ARVCF: variants seen among roughly 807,000 people sequenced by gnomAD.
ARVCF encodes splicing regulator ARVCF.
In ARVCF, 66 loss-of-function variants were observed where a neutral mutation model predicts 90.9. The ratio of observed to expected loss-of-function variants is 0.73; its 90% CI spans 0.60 to 0.89. The LOEUF is 0.89. Ranked by LOEUF, ARVCF falls within the 40% of genes least tolerant of loss-of-function variation. The probability of loss-of-function intolerance (pLI) is 0.00; values close to 1 mark genes in which losing one functional copy is unlikely to be tolerated. For synonymous variants in ARVCF, 653 were observed against 603.4 expected (o/e 1.08, Z -1.21); for missense variants, 1,469 against 1,382.3 (o/e 1.06, Z -1.00).
chr22:20,011,471 C>G (rs561231443), intron 1 of ARVCF, among the ~76,000 whole-genome samples: 143 of 152,218 alleles, frequency 9.4e-4, no homozygotes, highest in African/African-American at 3.3e-3. Context: ...CATTCTGGTG[C>G]CCCAACGGTG....
Position 19,980,024 on chromosome 22 carries a change from T to G in ARVCF, c.1115A>C (p.Asp372Ala). 6.3e-7 allele frequency: 1 copy of G among 1,591,328 alleles called. No individual in the cohort carries two copies. The highest frequency in any genetic ancestry group is 8.6e-7 in the Non-Finnish European group (1 of 1,168,824). ...GGCGGCCGCATTGGCCTTCACGGGG[T>G]CCACGGGGTGCCGCAGCATGGCCAG... ...EVLAMLRHPV[D>A]PVKANAAAYL... Residue 372 changes from aspartate to alanine, a missense_variant, in exon 6 of 20, where the codon GAC becomes GCC. Asp to Ala is a moderately radical substitution (Grantham distance 126). Coordinates refer to ENST00000263207, the MANE Select transcript of ARVCF (RefSeq NM_001670.3).
At chr22:19,977,933 T>C in intron 8 of ARVCF, 25 bp downstream of exon 8, 2 of 1,579,986 alleles carry the variant, frequency 1.3e-6, no homozygotes, top group Non-Finnish European at 8.6e-7. Context: ...GCCCTTGGTA[T>C]GAGGCTGTGA....
At position 19,987,176 on chromosome 22, in the gene ARVCF, G is replaced by A. The variant is rs376528962; in HGVS notation, c.210+3409C>T. ...CTCGGCTCCGGCGCCTCGGCCGCTC[G>A]GGCTCAGGCTCGGCGGACTCGCTCC... is the stretch of plus-strand genomic sequence containing the variant. On this transcript the variant is annotated intron_variant, in intron 3 of 19. Transcript: ENST00000263207. 206 of 434,456 alleles carry A rather than the reference G, an allele frequency of 4.7e-4. 3 individuals carry two copies. The South Asian group carries it at 9.1e-3, about 19-fold the overall frequency. The allele number at this position is 434,456 out of a possible 1,614,324, so 26.9% of individuals were successfully genotyped here. A position where few individuals can be genotyped will look rare whatever the true frequency, so the allele number is the denominator to read the frequency against.
At chr22:19,967,313 G>A (rs533573617), downstream of ARVCF, 341 of 902,852 alleles carry the variant, frequency 3.8e-4, 1 homozygote, top group Admixed American at 6.7e-4. Flanking sequence ...GAAGGCAGCC[G>A]CCCTGCTCAA....
chr22:19,973,317 CCT>C lies in ARVCF; in HGVS notation c.2240-2_2240-1del. 1 of 1,593,960 alleles carries C rather than the reference CCT, an allele frequency of 6.3e-7. No homozygotes were observed. Among genetic ancestry groups the C allele is most frequent in the Non-Finnish European group, 8.5e-7 (1 of 1,175,084 alleles). On this transcript the variant is annotated splice_acceptor_variant, in intron 13 of 19. Coordinates refer to ENST00000263207, the MANE Select transcript of ARVCF (RefSeq NM_001670.3). LOFTEE classifies it high-confidence loss of function. The stretch of plus-strand genomic sequence containing the variant: ...CACAAGCTCAGCCATGGCGTAGCTC[CCT>C]GAGGGGCAGGACTAGGTGTCAGAAC...
chr22:19,996,427 G>A (rs1944254719), intron 2 of ARVCF, among the ~76,000 whole-genome samples: 1 of 152,166 alleles, frequency 6.6e-6, no homozygotes, highest in Non-Finnish European at 1.5e-5. Context: ...GGCGTTACTC[G>A]CAGACCATGA....
chr22:19,985,901 C>T (rs1943741899), intron 3 of ARVCF, among the ~76,000 whole-genome samples: 1 of 152,238 alleles, frequency 6.6e-6, no homozygotes, highest in Non-Finnish European at 1.5e-5. Context: ...TGAATCTTCT[C>T]CATCCCCATT....
At chr22:19,998,434 G>A (rs1944332346) in intron 2 of ARVCF, among the ~76,000 whole-genome samples, 1 of 152,112 alleles carries the variant, frequency 6.6e-6, no homozygotes, top group East Asian at 1.9e-4. Flanking sequence ...CGCCGGCCCA[G>A]CCCCCCTCCC....
In ARVCF at chr22:19,973,813, G is replaced by C; in HGVS notation, c.2089-20C>G. 1.3e-6 allele frequency: 2 copies of C among 1,594,738 alleles called. No individual in the cohort carries two copies. The highest frequency in any genetic ancestry group is 8.5e-7 in the Non-Finnish European group (1 of 1,173,434). On this transcript the variant is annotated intron_variant, in intron 12 of 19. Transcript: ENST00000263207. ...GGCCCACTGCGGAGGCGGGGAGAGG[G>C]TTGCTCAGACATACATGCCAGGCAC...
chr22:19,985,692 A>G (rs1165190596), intron 3 of ARVCF, among the ~76,000 whole-genome samples: 1 of 150,012 alleles, frequency 6.7e-6, no homozygotes, highest in East Asian at 1.9e-4. Flanking sequence ...TTACTTATCT[A>G]CCCAAACCAC....
Position 19,972,989 on chromosome 22 carries a change from A to G in ARVCF, c.2486T>C (p.Val829Ala), listed in dbSNP as rs115344498. ...ACCACGCAGCTCCTTGTAGCTCCAC[A>G]CTGTCTGCAGCACGTGTGACGCCGC... Reference protein sequence around the residue: ...AKAASHVLQTVWSYKELRGTL... With the variant: ...AKAASHVLQTAWSYKELRGTL... Residue 829 changes from valine (V) to alanine (A), a missense_variant, in exon 15 of 20, where the codon GTG becomes GCG. By Grantham distance (64) the Val-to-Ala change is moderately conservative (BLOSUM62 0). Transcript: ENST00000263207. 1.6e-3 allele frequency: 2,646 copies of G among 1,613,370 alleles called. 2 individuals are homozygous for G. Among genetic ancestry groups the G allele is most frequent in the Non-Finnish European group, 2.1e-3 (2,436 of 1,179,938 alleles).
chr22:19,982,137 C>A, intron 3 of ARVCF, 46 bp from the exon 4 acceptor site: 3 of 1,597,628 alleles, frequency 1.9e-6, no homozygotes, highest in Non-Finnish European at 2.6e-6. Flanking sequence ...TGCTCAGTCA[C>A]CCCTGGAGTG....
chr22:20,000,814 G>C (rs531251599), intron 2 of ARVCF, among the ~76,000 whole-genome samples: 1 of 152,180 alleles, frequency 6.6e-6, no homozygotes, highest in African/African-American at 2.4e-5. Flanking sequence ...GACACACAGC[G>C]CCATCTATCA....
Position 19,973,045 on chromosome 22 carries a change from CCGGGGG to C in ARVCF, c.2439-15_2439-10del. 1 of 1,612,408 alleles carries C rather than the reference CCGGGGG, an allele frequency of 6.2e-7. No individual in the cohort carries two copies. The highest frequency in any genetic ancestry group is 2.2e-5 in the East Asian group (1 of 44,856). ...CTTCGCGTACCGATTGGCTGTGGGG[CCGGGGG>C]CGGGGTCAGTGGTGGCCCCTCCCCC... On this transcript the variant is annotated splice_polypyrimidine_tract_variant and intron_variant, in intron 14 of 19. Transcript: ENST00000263207.
At chr22:20,007,553 G>A (rs1454391269) in intron 2 of ARVCF, among the ~76,000 whole-genome samples, 3 of 152,242 alleles carry the variant, frequency 2.0e-5, no homozygotes, top group African/African-American at 2.4e-5. Flanking sequence ...AATTCCCAAC[G>A]CAACAGTGTT....
chr22:20,009,333 A>G (rs1387418709), intron 2 of ARVCF, among the ~76,000 whole-genome samples: 1 of 152,210 alleles, frequency 6.6e-6, no homozygotes, highest in Non-Finnish European at 1.5e-5. Flanking sequence ...TCCATGCCCA[A>G]GGACTTGGGA....
Position 19,973,835 on chromosome 22 carries a change from G to T in ARVCF, c.2089-42C>A. 2.5e-6 allele frequency: 4 copies of T among 1,577,568 alleles called. No homozygotes were observed. In the South Asian group the frequency reaches 4.5e-5, roughly 18 times the overall value. On this transcript the variant is annotated intron_variant, in intron 12 of 19. Coordinates refer to ENST00000263207, the MANE Select transcript of ARVCF (RefSeq NM_001670.3). Reference sequence around the variant, plus strand: ...AGGGTTGCTCAGACATACATGCCAGGCACTCTCCCACCTCCAGACGCTGAC... The same window carrying T: ...AGGGTTGCTCAGACATACATGCCAGTCACTCTCCCACCTCCAGACGCTGAC...
At chr22:19,991,758 G>A (rs189775588) in intron 2 of ARVCF, among the ~76,000 whole-genome samples, 35 of 152,366 alleles carry the variant, frequency 2.3e-4, no homozygotes, top group Non-Finnish European at 4.6e-4. Context: ...TGTTTTTCAT[G>A]GGTAAAAAGA....
chr22:20,012,016 C>A (rs2146507021), intron 1 of ARVCF, among the ~76,000 whole-genome samples: 1 of 152,064 alleles, frequency 6.6e-6, no homozygotes, highest in East Asian at 1.9e-4. Context: ...AAACTGGGTC[C>A]CAGCCAGACA....
Sources: allele counts gnomAD v4.1 joint callset (sites outside exome capture counted in the v4.1 genomes callset), GRCh38; gene constraint gnomAD v4.1.1; transcripts MANE v1.5; gene names NCBI Gene and HGNC (gene_info 2026-07-23, HGNC 2026-07-21).